The following SAMD4A variants were observed in gnomAD, a reference collection of about 807,000 sequenced individuals.
SAMD4A encodes sterile alpha motif domain containing 4A, also known as protein Smaug homolog 1.
In SAMD4A, 33 loss-of-function variants were observed where a neutral mutation model predicts 81.3. That is an observed-to-expected ratio of 0.41 (90% confidence interval 0.31 to 0.54). The LOEUF (loss-of-function observed/expected upper bound fraction) is 0.54, where lower values mean the gene tolerates loss of function less well. Among genes scored for constraint, SAMD4A ranks in the 20% least tolerant of loss-of-function variants. The probability of loss-of-function intolerance (pLI) is 0.37; values close to 1 mark genes in which losing one functional copy is unlikely to be tolerated. For synonymous variants in SAMD4A, 389 were observed against 382.1 expected (o/e 1.02, Z -0.21); for missense variants, 854 against 951.1 (o/e 0.90, Z 1.34).
chr14:54,664,827 A>ACACACC (rs2035722327), intron 2 of SAMD4A, among the ~76,000 whole-genome samples: 1 of 142,920 alleles, frequency 7.0e-6, no homozygotes, highest in African/African-American at 2.6e-5. Flanking sequence ...ACACACACAC[A>ACACACC]CACACACACA....
chr14:54,779,495 G>A (rs1313534159), intron 11 of SAMD4A, among the ~76,000 whole-genome samples: 1 of 152,120 alleles, frequency 6.6e-6, no homozygotes, highest in Non-Finnish European at 1.5e-5. Context: ...CTCTACTGAT[G>A]GGAGACTTTA....
intron 4 of SAMD4A, among the ~76,000 whole-genome samples, chr14:54,742,946 G>A (rs1348324087): frequency 6.6e-6 from 1 of 152,176 alleles, no homozygotes; most frequent in Non-Finnish European, 1.5e-5. Flanking sequence ...CTGTAGTAAA[G>A]GAAATATGTG....
chr14:54,741,613 C>A (rs2037845227), intron 4 of SAMD4A, among the ~76,000 whole-genome samples: 1 of 152,220 alleles, frequency 6.6e-6, no homozygotes, highest in Non-Finnish European at 1.5e-5. Context: ...AAAAAACAGG[C>A]ACTTAATGCA....
rs548081784 is a variant in SAMD4A at position 54,718,291 on chromosome 14, G to A, written c.715+15711G>A. Among the ~76,000 whole-genome samples, 13 of 152,310 alleles carry A rather than the reference G, an allele frequency of 8.5e-5. No homozygotes were observed. In the East Asian group the frequency reaches 2.5e-3, roughly 29 times the overall value. On this transcript the variant is annotated intron_variant, in intron 3 of 12. Coordinates refer to ENST00000554335, the MANE Select transcript of SAMD4A (RefSeq NM_015589.6). ...CAAGGAATGAATGCTTTTTCTTAAAGAACAGAGCAAGGAAAGATTTCATGT... is the reference window on the plus strand; with the variant it reads ...CAAGGAATGAATGCTTTTTCTTAAAAAACAGAGCAAGGAAAGATTTCATGT...
At chr14:54,566,302 C>A (rs1357813451), upstream of SAMD4A, among the ~76,000 whole-genome samples, 1 of 151,666 alleles carries the variant, frequency 6.6e-6, no homozygotes, top group Non-Finnish European at 1.5e-5. Context: ...CGGGATGAGC[C>A]GCGCCGAGGT....
intron 12 of SAMD4A, 137 bp downstream of exon 12, chr14:54,784,757 G>C: frequency 1.3e-6 from 1 of 790,700 alleles, no homozygotes; most frequent in East Asian, 2.5e-5. Context: ...GGGACAGGGA[G>C]AAAGAGTGGC....
chr14:54,686,070 G>A (rs999599507), intron 2 of SAMD4A, among the ~76,000 whole-genome samples: 1 of 152,180 alleles, frequency 6.6e-6, no homozygotes, highest in Non-Finnish European at 1.5e-5. Context: ...CTTCCTGGGG[G>A]ATAGGGTGGT....
chr14:54,707,638 C>T (rs959695705), intron 3 of SAMD4A, among the ~76,000 whole-genome samples: 8 of 151,958 alleles, frequency 5.3e-5, no homozygotes, highest in African/African-American at 1.9e-4. Flanking sequence ...TAGGATCAGG[C>T]CTATGTAATG....
At chr14:54,697,188 T>G (rs936327140) in intron 2 of SAMD4A, among the ~76,000 whole-genome samples, 2 of 152,146 alleles carry the variant, frequency 1.3e-5, no homozygotes, top group Admixed American at 1.3e-4. Context: ...AAGGTAGAGA[T>G]GTTCACGCTT....
chr14:54,638,019 C>T (rs978687303), intron 2 of SAMD4A, among the ~76,000 whole-genome samples: 1 of 152,192 alleles, frequency 6.6e-6, no homozygotes, highest in Admixed American at 6.5e-5. Context: ...AGAGTCCCAA[C>T]CTTGCCAGCT....
At chr14:54,647,909 T>C (rs1320181378) in intron 2 of SAMD4A, among the ~76,000 whole-genome samples, 1 of 152,212 alleles carries the variant, frequency 6.6e-6, no homozygotes, top group African/African-American at 2.4e-5. Context: ...AGTGTTGGGT[T>C]GTATAAAATG....
intron 6 of SAMD4A, 60 bp downstream of exon 6, chr14:54,751,597 A>T: frequency 1.8e-6 from 2 of 1,096,476 alleles, no homozygotes; most frequent in South Asian, 1.3e-5. Flanking sequence ...ACCAAGGAAA[A>T]TTCTCCACTG....
chr14:54,738,683 T>A (rs2037761367), intron 4 of SAMD4A, among the ~76,000 whole-genome samples: 1 of 152,214 alleles, frequency 6.6e-6, no homozygotes, highest in South Asian at 2.1e-4. Context: ...CATGGTTATG[T>A]GTTTAAGCAG....
intron 3 of SAMD4A, among the ~76,000 whole-genome samples, chr14:54,715,429 A>G (rs1032630062): frequency 1.3e-5 from 2 of 151,952 alleles, no homozygotes; most frequent in Non-Finnish European, 2.9e-5. Flanking sequence ...TGTCTAGGAG[A>G]AGTGGGATGT....
chr14:54,654,106 C>T lies in SAMD4A; in HGVS notation c.197-47956C>T, dbSNP rs536131693. On this transcript the variant is annotated intron_variant, in intron 2 of 12. Transcript: ENST00000554335. ...TTTTCTCAGGAATTATGTTTTGCTCCAAGTCGTTTCAGTTGACGTATTCAT... is the reference window on the plus strand; with the variant it reads ...TTTTCTCAGGAATTATGTTTTGCTCTAAGTCGTTTCAGTTGACGTATTCAT... 9.1e-4 allele frequency among the ~76,000 whole-genome samples: 138 copies of T among 152,298 alleles called. 1 individual carries two copies. The highest frequency in any genetic ancestry group is 1.2e-3 in the Non-Finnish European group (82 of 68,022).
chr14:54,585,672 A>G (rs2033595890), intron 2 of SAMD4A, among the ~76,000 whole-genome samples: 1 of 152,114 alleles, frequency 6.6e-6, no homozygotes, highest in African/African-American at 2.4e-5. Flanking sequence ...ACTCCCACAT[A>G]TGAGTGAGAA....
At position 54,793,283 on chromosome 14, in the gene SAMD4A, G is replaced by A. The variant is rs1477618104; in HGVS notation, c.*4339G>A. On this transcript the variant is annotated 3_prime_UTR_variant, in exon 13 of 13. Transcript: ENST00000554335. ...ATATCAACGTTATATTGAAAGTGAA[G>A]GGAAATGATTAATACAAGGTTTTGT... 2.6e-5 allele frequency: 4 copies of A among 152,000 alleles called. No individual in the cohort carries two copies. The highest frequency in any genetic ancestry group is 5.9e-5 in the Non-Finnish European group (4 of 68,018). The allele number at this position is 152,000 out of a possible 1,614,324, so 9.4% of individuals were successfully genotyped here.
At chr14:54,666,932 A>G (rs953724959) in intron 2 of SAMD4A, among the ~76,000 whole-genome samples, 1 of 152,196 alleles carries the variant, frequency 6.6e-6, no homozygotes, top group Non-Finnish European at 1.5e-5. Flanking sequence ...GAAAAGTTAA[A>G]TAAGTGTAAC....
At chr14:54,783,389 CTGACAG>C (rs1202299216) in intron 11 of SAMD4A, among the ~76,000 whole-genome samples, 12 of 152,200 alleles carry the variant, frequency 7.9e-5, no homozygotes, top group Non-Finnish European at 1.3e-4. Context: ...TGCGGAGGTG[CTGACAG>C]TGAGGGCTCC....
Sources: allele counts gnomAD v4.1 joint callset (sites outside exome capture counted in the v4.1 genomes callset), GRCh38; gene constraint gnomAD v4.1.1; transcripts MANE v1.5; gene names NCBI Gene and HGNC (gene_info 2026-07-23, HGNC 2026-07-21).